Variants in ACSS1 observed in about 807,000 individuals in gnomAD.
The protein encoded by ACSS1 is acetyl-coenzyme A synthetase 2-like, mitochondrial.
In ACSS1, 42 loss-of-function variants were observed where a neutral mutation model predicts 75.3. That is an observed-to-expected ratio of 0.56 (90% CI 0.44 to 0.72). The LOEUF (loss-of-function observed/expected upper bound fraction) is 0.72, where lower values mean the gene tolerates loss of function less well. Among genes scored for constraint, ACSS1 ranks in the 30% least tolerant of loss-of-function variants. The probability of loss-of-function intolerance (pLI) is 0.00; values close to 1 mark genes in which losing one functional copy is unlikely to be tolerated. For synonymous variants in ACSS1, 380 were observed against 376.8 expected, an observed-to-expected ratio of 1.01 and a Z score of -0.10; for missense variants, 782 against 935.7, an observed-to-expected ratio of 0.84 and a Z score of 2.14.
At chr20:25,024,672 C>T (rs970588132) in intron 3 of ACSS1, among the ~76,000 whole-genome samples, 6 of 152,228 alleles carry the variant, frequency 3.9e-5, no homozygotes, top group Non-Finnish European at 8.8e-5. Flanking sequence ...CCAGAGCCAC[C>T]ACTGCCCTAC....
At chr20:25,037,978 T>A (rs1179154897) in intron 2 of ACSS1, among the ~76,000 whole-genome samples, 2 of 152,236 alleles carry the variant, frequency 1.3e-5, no homozygotes, top group Non-Finnish European at 2.9e-5. Flanking sequence ...TCTCACGTCA[T>A]TATTTGATGT....
chr20:25,016,014 C>T (rs1276049531), intron 7 of ACSS1, among the ~76,000 whole-genome samples: 1 of 152,238 alleles, frequency 6.6e-6, no homozygotes, highest in African/African-American at 2.4e-5. Context: ...TCCTCAGCAG[C>T]TCTGCTCATG....
At chr20:25,016,256 G>C (rs2088514147) in intron 7 of ACSS1, among the ~76,000 whole-genome samples, 1 of 152,158 alleles carries the variant, frequency 6.6e-6, no homozygotes, top group African/African-American at 2.4e-5. Flanking sequence ...CTGTGGTCAT[G>C]GTTCGGGTAA....
At chr20:25,038,545 T>TCA (rs2088951805) in intron 2 of ACSS1, among the ~76,000 whole-genome samples, 1 of 152,094 alleles carries the variant, frequency 6.6e-6, no homozygotes, top group Admixed American at 6.5e-5. Flanking sequence ...CACCTCCTTC[T>TCA]CAGGAGGGCA....
chr20:25,056,725 C>T (rs1568853631), intron 1 of ACSS1, among the ~76,000 whole-genome samples: 1 of 152,136 alleles, frequency 6.6e-6, no homozygotes, highest in Non-Finnish European at 1.5e-5. Context: ...CCTGGTGACC[C>T]TGCCATAAAG....
At chr20:25,021,241 C>T in intron 6 of ACSS1, 148 bp downstream of exon 6, 2 of 1,070,654 alleles carry the variant, frequency 1.9e-6, no homozygotes, top group Non-Finnish European at 2.6e-6. Context: ...CCTGGCCCCA[C>T]CGGGCATTTC....
rs539188389 is a variant in ACSS1, at chr20:25,043,926, C to T, written c.431+4159G>A. ...TTGGTCCTCTGGCTTAAGATGCTCTCATTTAAGTTCAAGTTTAAGTTCACA... is the reference window on the plus strand; with the variant it reads ...TTGGTCCTCTGGCTTAAGATGCTCTTATTTAAGTTCAAGTTTAAGTTCACA... On this transcript the variant is annotated intron_variant, in intron 2 of 13. Coordinates refer to ENST00000323482, the MANE Select transcript of ACSS1 (RefSeq NM_032501.4). Among the ~76,000 whole-genome samples the T allele has an allele frequency of 2.0e-5, 3 of 152,344 alleles. No homozygotes were observed. The South Asian group carries it at 6.2e-4, about 32-fold the overall frequency.
At chr20:25,039,426 T>C (rs1349740789) in intron 2 of ACSS1, among the ~76,000 whole-genome samples, 4 of 152,242 alleles carry the variant, frequency 2.6e-5, no homozygotes, top group African/African-American at 9.6e-5. Context: ...TTAATATAAA[T>C]TTATTCTAAG....
At chr20:25,025,866 T>C (rs937403736) in intron 3 of ACSS1, among the ~76,000 whole-genome samples, 6 of 152,116 alleles carry the variant, frequency 3.9e-5, no homozygotes. Flanking sequence ...GTTCTGTGCA[T>C]TAAGGATGTG....
intron 3 of ACSS1, among the ~76,000 whole-genome samples, chr20:25,025,770 T>A (rs2088704385): frequency 6.6e-6 from 1 of 152,196 alleles, no homozygotes; most frequent in African/African-American, 2.4e-5. Context: ...CTGTTTATCT[T>A]CAAAGCCAGC....
intron 1 of ACSS1, among the ~76,000 whole-genome samples, chr20:25,049,293 G>A (rs1219186747): frequency 1.3e-5 from 2 of 152,198 alleles, no homozygotes; most frequent in African/African-American, 4.8e-5. Context: ...GTGTTGGGGA[G>A]CTGGGGGTGC....
At chr20:25,023,682 C>A in intron 3 of ACSS1, 41 bp from the exon 4 acceptor site, 3 of 1,536,254 alleles carry the variant, frequency 2.0e-6, no homozygotes, top group Non-Finnish European at 1.8e-6. Context: ...AGTCTCCTCC[C>A]GACTTTAACC....
rs1230055609 is a variant in ACSS1, at chr20:25,012,920, G to A, written c.1599C>T (p.Asp533=). 60 of 1,614,024 alleles carry A rather than the reference G, an allele frequency of 3.7e-5. No individual in the cohort carries two copies. The highest frequency in any genetic ancestry group is 6.7e-5 in the East Asian group (3 of 44,892). Residue 533 remains aspartate, a synonymous_variant, in exon 11 of 14, where the codon GAC becomes GAT. Transcript: ENST00000323482. The part of the protein sequence containing the change: ...KAYPGYYFTG[D]GAYRTEGGYY... Reference sequence around the variant, plus strand: ...AGCCGCCCTCAGTTCGGTAAGCCCCGTCTCCAGTGAAGTAATAGCCTGCAC... The same window carrying A: ...AGCCGCCCTCAGTTCGGTAAGCCCCATCTCCAGTGAAGTAATAGCCTGCAC...
chr20:25,023,489 C>G lies in ACSS1; in HGVS notation c.784G>C (p.Asp262His). Residue 262 changes from aspartate (D) to histidine (H), a missense_variant, in exon 4 of 14, where the codon GAT becomes CAT. Transcript: ENST00000323482. The part of the protein sequence containing the change: ...HRTDNKVHMG[D>H]LDVPLEQEMA... ...ACCTGCTCCAGCGGGACGTCCAGAT[C>G]CCCCATGTGGACCTTGTTGTCTGTC... 6.2e-7 allele frequency: 1 copy of G among 1,614,106 alleles called. No homozygotes were observed. The highest frequency in any genetic ancestry group is 8.5e-7 in the Non-Finnish European group (1 of 1,180,024).
intron 3 of ACSS1, among the ~76,000 whole-genome samples, chr20:25,026,236 C>G (rs902444956): frequency 3.3e-5 from 5 of 152,186 alleles, no homozygotes; most frequent in African/African-American, 1.2e-4. Flanking sequence ...CTCCCAGTGG[C>G]CAACTGAAGA....
In ACSS1 at chr20:25,046,919, G is replaced by T. The variant is rs557577791; in HGVS notation, c.431+1166C>A. The T allele has an allele frequency of 3.2e-5, 25 of 779,412 alleles. No homozygotes were observed. The East Asian group carries it at 4.1e-4, about 13-fold the overall frequency. 48.3% of individuals were successfully genotyped at this position (779,412 alleles called of 1,614,324 possible). Reference sequence around the variant, plus strand: ...TGTATAGGCTGTGAGTCTGGCTGGTGGGGGAGACGGGTCAGCAAAGGAGCC... The same window carrying T: ...TGTATAGGCTGTGAGTCTGGCTGGTTGGGGAGACGGGTCAGCAAAGGAGCC... On this transcript the variant is annotated intron_variant, in intron 2 of 13. Transcript: ENST00000323482.
intron 1 of ACSS1, 109 bp from the exon 2 acceptor site, chr20:25,048,290 C>T: frequency 1.2e-6 from 1 of 833,508 alleles, no homozygotes. Flanking sequence ...CTCTCTTCTT[C>T]CACTGACAGA....
chr20:25,013,442 C>T lies in ACSS1; in HGVS notation c.1579+94G>A, dbSNP rs756277583. On this transcript the variant is annotated intron_variant, in intron 10 of 13. Coordinates refer to ENST00000323482, the MANE Select transcript of ACSS1 (RefSeq NM_032501.4). ...GCACCTATTCCTGGCCACAGTGTTACGCTGCACTCAAATCCCATTAAAAAT... is the reference window on the plus strand; with the variant it reads ...GCACCTATTCCTGGCCACAGTGTTATGCTGCACTCAAATCCCATTAAAAAT... 2.7e-4 allele frequency: 395 copies of T among 1,477,300 alleles called. 2 individuals are homozygous for T. The highest frequency in any genetic ancestry group is 1.4e-3 in the Admixed American group (63 of 45,424). 91.5% of individuals were successfully genotyped at this position (1,477,300 alleles called of 1,614,324 possible).
chr20:25,042,033 C>T (rs1015201285), intron 2 of ACSS1, among the ~76,000 whole-genome samples: 1 of 152,030 alleles, frequency 6.6e-6, no homozygotes, highest in Non-Finnish European at 1.5e-5. Context: ...CCACAACCCA[C>T]CCGCTGGCCT....
Sources: gnomAD v4.1 joint callset for allele counts (sites outside exome capture counted in the v4.1 genomes callset) on GRCh38, gnomAD v4.1.1 for gene constraint, MANE v1.5 for transcripts, NCBI Gene and HGNC (gene_info 2026-07-23, HGNC 2026-07-21) for gene names.